The following NR3C2 variants were observed in gnomAD, a reference collection of about 807,000 sequenced individuals.
The protein encoded by NR3C2 is mineralocorticoid receptor.
A neutral mutation model predicts 86.4 loss-of-function variants in NR3C2; 15 were observed. The observed-to-expected ratio is 0.17, with a 90% CI of 0.12 to 0.27. The LOEUF (loss-of-function observed/expected upper bound fraction) is 0.27, where lower values mean the gene tolerates loss of function less well. Among genes scored for constraint, NR3C2 ranks in the 10% least tolerant of loss-of-function variants. NR3C2 has a pLI of 1.00. For synonymous variants in NR3C2, 458 were observed against 450.5 expected (o/e 1.02, Z -0.21); for missense variants, 960 against 1,195.6 (o/e 0.80, Z 2.91).
At chr4:148,443,044 G>A, upstream of NR3C2, 4 of 920,818 alleles carry the variant, frequency 4.3e-6, no homozygotes, top group Non-Finnish European at 5.2e-6. Context: ...CGACCCTCGA[G>A]GTTCCTCTCC....
In NR3C2 at chr4:148,379,344, T is replaced by C. The variant is rs938028241; in HGVS notation, c.1757+55760A>G. On this transcript the variant is annotated intron_variant, in intron 2 of 8. Coordinates refer to ENST00000358102, the MANE Select transcript of NR3C2 (RefSeq NM_000901.5). Reference sequence around the variant, plus strand: ...GCATATAGCTAGCTGCTCCCCTACCTCCCCACTAGGATGAGAGGAAAGGAT... The same window carrying C: ...GCATATAGCTAGCTGCTCCCCTACCCCCCCACTAGGATGAGAGGAAAGGAT... Among the ~76,000 whole-genome samples, 3 of 152,016 alleles carry C rather than the reference T, an allele frequency of 2.0e-5. No individual in the cohort carries two copies. The South Asian group carries it at 6.2e-4, about 32-fold the overall frequency.
chr4:148,101,082 T>C (rs1263539942), intron 8 of NR3C2, among the ~76,000 whole-genome samples: 2 of 152,192 alleles, frequency 1.3e-5, no homozygotes, highest in African/African-American at 4.8e-5. Context: ...TGGAAATTGG[T>C]TGCACAACAA....
At chr4:148,367,793 T>TA (rs1333511518) in intron 2 of NR3C2, among the ~76,000 whole-genome samples, 1,802 of 131,456 alleles carry the variant, frequency 0.014, 26 homozygotes, top group African/African-American at 0.044. Context: ...AAATCCAATT[T>TA]AAAAAAAAAA....
intron 7 of NR3C2, among the ~76,000 whole-genome samples, chr4:148,117,334 GC>G (rs1227053584): frequency 2.6e-5 from 4 of 152,192 alleles, no homozygotes; most frequent in Admixed American, 2.6e-4. Flanking sequence ...CTGCCGGTTT[GC>G]CCCCTCTGCT....
At chr4:148,266,230 G>T (rs769935324) in intron 2 of NR3C2, among the ~76,000 whole-genome samples, 1 of 151,966 alleles carries the variant, frequency 6.6e-6, no homozygotes, top group Non-Finnish European at 1.5e-5. Context: ...GCGCCACCAC[G>T]CCCAGCTAAT....
At chr4:148,395,144 G>A (rs1747795688) in intron 2 of NR3C2, among the ~76,000 whole-genome samples, 1 of 146,934 alleles carries the variant, frequency 6.8e-6, no homozygotes, top group African/African-American at 2.7e-5. Flanking sequence ...GTGTGTGTAT[G>A]TGTGGAGAGA....
intron 6 of NR3C2, among the ~76,000 whole-genome samples, chr4:148,132,569 T>G (rs1306986594): frequency 6.6e-6 from 1 of 152,242 alleles, no homozygotes; most frequent in Non-Finnish European, 1.5e-5. Flanking sequence ...CAAATATCAC[T>G]GGATATTTTA....
At chr4:148,171,002 G>A (rs1194081637) in intron 4 of NR3C2, among the ~76,000 whole-genome samples, 1 of 152,172 alleles carries the variant, frequency 6.6e-6, no homozygotes. Flanking sequence ...AGTAATGACT[G>A]GTTGATCTCA....
At chr4:148,438,971 A>G (rs1750206397) in intron 1 of NR3C2, among the ~76,000 whole-genome samples, 1 of 152,244 alleles carries the variant, frequency 6.6e-6, no homozygotes, top group African/African-American at 2.4e-5. Flanking sequence ...AGAACATCCT[A>G]TGAATTCCTA....
chr4:148,277,428 T>G (rs1163209463), intron 2 of NR3C2, among the ~76,000 whole-genome samples: 2 of 152,046 alleles, frequency 1.3e-5, no homozygotes, highest in Non-Finnish European at 2.9e-5. Context: ...ATCAAAAACA[T>G]ATGTAAGCCC....
At chr4:148,343,320 G>T (rs1435115335) in intron 2 of NR3C2, among the ~76,000 whole-genome samples, 4 of 152,072 alleles carry the variant, frequency 2.6e-5, no homozygotes, top group African/African-American at 9.7e-5. Flanking sequence ...AAGTAAGAGG[G>T]TTTAACCCTT....
chr4:148,213,380 G>A (rs1462387521), intron 3 of NR3C2, among the ~76,000 whole-genome samples: 2 of 152,294 alleles, frequency 1.3e-5, no homozygotes, highest in Admixed American at 6.5e-5. Context: ...TGGTGTTAAA[G>A]TCTAAGGAAT....
At chr4:148,401,620 C>T (rs1008093765) in intron 2 of NR3C2, among the ~76,000 whole-genome samples, 39 of 151,942 alleles carry the variant, frequency 2.6e-4, no homozygotes, top group Admixed American at 2.0e-3. Flanking sequence ...CCCGCCACCA[C>T]GCCCGGCTAA....
chr4:148,217,215 G>A (rs962299016), intron 3 of NR3C2, among the ~76,000 whole-genome samples: 2 of 152,176 alleles, frequency 1.3e-5, no homozygotes, highest in Non-Finnish European at 1.5e-5. Flanking sequence ...TTAAGTCTCT[G>A]GCTGGGAGAA....
At chr4:148,354,371 A>T (rs1745446717) in intron 2 of NR3C2, among the ~76,000 whole-genome samples, 1 of 152,124 alleles carries the variant, frequency 6.6e-6, no homozygotes, top group Non-Finnish European at 1.5e-5. Flanking sequence ...GCAGGATATT[A>T]GTCATTAAGT....
intron 2 of NR3C2, among the ~76,000 whole-genome samples, chr4:148,386,343 A>C (rs1039301561): frequency 5.9e-5 from 9 of 152,314 alleles, no homozygotes; most frequent in Middle Eastern, 3.4e-3. Flanking sequence ...AAAGGGTAAC[A>C]TTCCTGAAAA....
chr4:148,383,081 CAAAAT>C (rs1335020543), intron 2 of NR3C2, among the ~76,000 whole-genome samples: 1 of 152,056 alleles, frequency 6.6e-6, no homozygotes, highest in Non-Finnish European at 1.5e-5. Flanking sequence ...AAAATAATCT[CAAAAT>C]AAACCTGAGA....
intron 2 of NR3C2, among the ~76,000 whole-genome samples, chr4:148,406,305 C>T (rs60914042): frequency 0.04 from 6,126 of 152,084 alleles, 387 homozygotes; most frequent in African/African-American, 0.14. Flanking sequence ...TAAAAATATA[C>T]ACATTTTGAT....
chr4:148,435,251 C>G lies in NR3C2; in HGVS notation c.1610G>C (p.Arg537Pro), dbSNP rs5526. 2.5e-6 allele frequency: 4 copies of G among 1,614,156 alleles called. No homozygotes were observed. The East Asian group carries it at 8.9e-5, about 36-fold the overall frequency. Residue 537 changes from arginine to proline, a missense_variant, in exon 2 of 9, where the codon CGA (arginine) becomes CCA (proline). Transcript: ENST00000358102. ...IGAQGTISLS[R>P]SARDQSFQHL... is the part of the protein sequence containing the mutation. ...TTGGAAAGATTGGTCTCTAGCCGATCGTGATAAAGATATTGTACCTTGAGC... is the reference window on the plus strand; with the variant it reads ...TTGGAAAGATTGGTCTCTAGCCGATGGTGATAAAGATATTGTACCTTGAGC...
Sources: allele counts gnomAD v4.1 joint callset (sites outside exome capture counted in the v4.1 genomes callset), GRCh38; gene constraint gnomAD v4.1.1; transcripts MANE v1.5; gene names NCBI Gene and HGNC (gene_info 2026-07-23, HGNC 2026-07-21).